STARD13: variants seen among roughly 807,000 people sequenced by gnomAD.
The protein encoded by STARD13 is StAR related lipid transfer domain containing 13, also known as stAR-related lipid transfer protein 13.
STARD13 carries 62 observed loss-of-function variants against 106.4 expected under a neutral mutation model. That is an observed-to-expected ratio of 0.58 (90% CI 0.48 to 0.72). The LOEUF is 0.72. Among genes scored for constraint, STARD13 ranks in the 30% least tolerant of loss-of-function variants. The probability of loss-of-function intolerance (pLI) is 0.00; values close to 1 mark genes in which losing one functional copy is unlikely to be tolerated. For missense variants in STARD13, 1,387 were observed against 1,424.0 expected (o/e 0.97, Z 0.42); for synonymous variants, 565 against 553.0 (o/e 1.02, Z -0.31).
intron 1 of STARD13, among the ~76,000 whole-genome samples, chr13:33,208,195 ATT>A (rs1447682308): frequency 1.3e-5 from 2 of 152,210 alleles, no homozygotes; most frequent in African/African-American, 4.8e-5. Flanking sequence ...ATGAAATGAA[ATT>A]ATCACCTAAA....
At chr13:33,196,282 C>T (rs1458091237) in intron 1 of STARD13, among the ~76,000 whole-genome samples, 1 of 152,144 alleles carries the variant, frequency 6.6e-6, no homozygotes, top group Non-Finnish European at 1.5e-5. Context: ...CCCAGCTACT[C>T]AGGAGGCTGA....
the STARD13 span, among the ~76,000 whole-genome samples, chr13:33,517,194 TC>T: frequency 6.6e-6 from 1 of 151,966 alleles, no homozygotes; most frequent in African/African-American, 2.4e-5. Flanking sequence ...ATCACAATGT[TC>T]CCCCCACCCT....
rs77978739 is a variant in STARD13, at chr13:33,171,668, A to G, written c.170-4046T>C. The stretch of plus-strand genomic sequence containing the variant: ...CATCCCTGTTAGTCTAAGGAGACCA[A>G]TAGTCATTTGGGGGCTGAAATCAAC... On this transcript the variant is annotated intron_variant, in intron 1 of 13. Transcript: ENST00000336934. Among the ~76,000 whole-genome samples the G allele has an allele frequency of 7.7e-3, 1,173 of 152,326 alleles. 3 individuals are homozygous for G. Among genetic ancestry groups the G allele is most frequent in the Non-Finnish European group, 0.013 (891 of 68,024 alleles).
the STARD13 span, among the ~76,000 whole-genome samples, chr13:33,543,944 T>A: frequency 1.3e-5 from 2 of 152,224 alleles, no homozygotes; most frequent in Non-Finnish European, 2.9e-5. Context: ...ACTCCGTGGA[T>A]GGGAAGTAGT....
the STARD13 span, among the ~76,000 whole-genome samples, chr13:33,663,777 G>A: frequency 6.6e-6 from 1 of 152,294 alleles, no homozygotes; most frequent in East Asian, 1.9e-4. Context: ...AGTCAGAAAG[G>A]CTCTCTCAGA....
intron 1 of STARD13, among the ~76,000 whole-genome samples, chr13:33,282,808 C>G (rs1021452498): frequency 1.3e-4 from 20 of 152,160 alleles, no homozygotes; most frequent in African/African-American, 4.8e-4. Flanking sequence ...AGGAAGATCA[C>G]TTGAGCCCAG....
chr13:33,238,878 A>T (rs1035997513), intron 1 of STARD13, among the ~76,000 whole-genome samples: 1 of 152,126 alleles, frequency 6.6e-6, no homozygotes, highest in African/African-American at 2.4e-5. Context: ...TTACCATCTT[A>T]ACCATTTTTA....
At chr13:33,451,267 T>C in the STARD13 span, among the ~76,000 whole-genome samples, 2 of 152,182 alleles carry the variant, frequency 1.3e-5, no homozygotes, top group African/African-American at 4.8e-5. Flanking sequence ...GTGGGCTAGA[T>C]AATAAAATAC....
chr13:33,463,137 A>C, the STARD13 span, among the ~76,000 whole-genome samples: 1 of 152,094 alleles, frequency 6.6e-6, no homozygotes, highest in African/African-American at 2.4e-5. Context: ...TTAGCTTGGG[A>C]AGGTTCTTGA....
intron 1 of STARD13, among the ~76,000 whole-genome samples, chr13:33,326,499 T>G (rs2077777195): frequency 6.6e-6 from 1 of 152,222 alleles, no homozygotes; most frequent in South Asian, 2.1e-4. Flanking sequence ...TACTCCGACA[T>G]TAAGGGGAGA....
the STARD13 span, among the ~76,000 whole-genome samples, chr13:33,664,584 A>T: frequency 6.6e-6 from 1 of 152,200 alleles, no homozygotes; most frequent in Admixed American, 6.5e-5. Context: ...GACACAAGTC[A>T]GTTGCCTGCT....
At chr13:33,331,526 A>ATTTTTTTTTTTTT (rs35827468) in intron 1 of STARD13, among the ~76,000 whole-genome samples, 4 of 130,826 alleles carry the variant, frequency 3.1e-5, no homozygotes, top group Non-Finnish European at 6.4e-5. Context: ...CTGATTTTGT[A>ATTTTTTTTTTTTT]TTTTTTTTTT....
At chr13:33,420,066 A>G in the STARD13 span, among the ~76,000 whole-genome samples, 5 of 152,192 alleles carry the variant, frequency 3.3e-5, no homozygotes, top group South Asian at 2.1e-4. Context: ...CAAAATAACC[A>G]TCTAACATCA....
At chr13:33,519,323 C>G in the STARD13 span, among the ~76,000 whole-genome samples, 55 of 146,716 alleles carry the variant, frequency 3.7e-4, no homozygotes, top group African/African-American at 1.2e-3. Flanking sequence ...CTCTCTCTCT[C>G]TCTCCTTCCT....
At chr13:33,471,633 GT>G in the STARD13 span, among the ~76,000 whole-genome samples, 27,219 of 124,356 alleles carry the variant, frequency 0.22, 3,873 homozygotes, top group African/African-American at 0.47. Context: ...TTGGCCCCCT[GT>G]TTTTTTTTTT....
chr13:33,579,614 C>T, the STARD13 span, among the ~76,000 whole-genome samples: 1 of 150,308 alleles, frequency 6.7e-6, no homozygotes, highest in Non-Finnish European at 1.5e-5. Flanking sequence ...ACCACTTGTA[C>T]TCAAAAAGCT....
chr13:33,540,538 T>A, the STARD13 span, among the ~76,000 whole-genome samples: 3 of 152,222 alleles, frequency 2.0e-5, no homozygotes, highest in African/African-American at 7.2e-5. Context: ...TCTAGCAATT[T>A]AAAATTTATA....
At chr13:33,315,783 G>A (rs974059093) in intron 1 of STARD13, among the ~76,000 whole-genome samples, 2 of 152,048 alleles carry the variant, frequency 1.3e-5, no homozygotes, top group Admixed American at 1.3e-4. Context: ...ACATCAAAAA[G>A]TAAAAAGGTA....
At chr13:33,186,895 C>CAAGTTCCTAG (rs1185764758) in intron 1 of STARD13, among the ~76,000 whole-genome samples, 15 of 152,146 alleles carry the variant, frequency 9.9e-5, no homozygotes, top group Admixed American at 8.5e-4. Flanking sequence ...CAGAAAGCCC[C>CAAGTTCCTAG]GCGTTCCTAG....
Sources: gnomAD v4.1 joint callset for allele counts (sites outside exome capture counted in the v4.1 genomes callset) on GRCh38, gnomAD v4.1.1 for gene constraint, MANE v1.5 for transcripts, NCBI Gene and HGNC (gene_info 2026-07-23, HGNC 2026-07-21) for gene names.